ATP8B1: variants seen among roughly 807,000 people sequenced by gnomAD.
The protein encoded by ATP8B1 is ATPase phospholipid transporting 8B1.
A neutral mutation model predicts 149.9 loss-of-function variants in ATP8B1; 80 were observed. The ratio of observed to expected loss-of-function variants is 0.53; its 90% CI spans 0.45 to 0.64. The LOEUF (loss-of-function observed/expected upper bound fraction) is 0.64, where lower values mean the gene tolerates loss of function less well. ATP8B1 is among the 30% of genes least tolerant of loss of function. The pLI is 0.00. For missense variants in ATP8B1, 1,247 were observed against 1,552.6 expected (o/e 0.80, Z 3.31); for synonymous variants, 536 against 562.8 (o/e 0.95, Z 0.67).
At chr18:57,790,685 T>C (rs1026538088) in intron 1 of ATP8B1, among the ~76,000 whole-genome samples, 6 of 152,126 alleles carry the variant, frequency 3.9e-5, no homozygotes, top group African/African-American at 1.4e-4. Flanking sequence ...TATGGTAAAA[T>C]GGACAAAGCA....
chr18:57,665,313 T>C (rs1381490826), intron 20 of ATP8B1, among the ~76,000 whole-genome samples: 1 of 152,120 alleles, frequency 6.6e-6, no homozygotes, highest in East Asian at 1.9e-4. Flanking sequence ...GGAAGATGAT[T>C]CCTCTCTCTA....
intron 1 of ATP8B1, among the ~76,000 whole-genome samples, chr18:57,773,398 GGCA>G (rs2080281190): frequency 6.6e-6 from 1 of 152,040 alleles, no homozygotes; most frequent in Non-Finnish European, 1.5e-5. Flanking sequence ...CAGAGGCAGA[GGCA>G]GCATTTTACA....
intron 1 of ATP8B1, among the ~76,000 whole-genome samples, chr18:57,765,898 G>A (rs562892513): frequency 8.0e-5 from 12 of 150,928 alleles, no homozygotes; most frequent in African/African-American, 2.7e-4. Flanking sequence ...CTCGAACCCC[G>A]GAGGCAGAGG....
At chr18:57,715,218 G>C (rs1357067779) in intron 2 of ATP8B1, among the ~76,000 whole-genome samples, 3 of 152,118 alleles carry the variant, frequency 2.0e-5, no homozygotes, top group Non-Finnish European at 4.4e-5. Flanking sequence ...AAATGCAACC[G>C]ACATACTGAA....
chr18:57,701,647 G>T (rs1487949427), intron 4 of ATP8B1, among the ~76,000 whole-genome samples: 1 of 152,030 alleles, frequency 6.6e-6, no homozygotes, highest in Non-Finnish European at 1.5e-5. Flanking sequence ...TATTTAACTG[G>T]GGGTGAGGGG....
chr18:57,692,277 G>T (rs1351967920), intron 11 of ATP8B1, among the ~76,000 whole-genome samples: 1 of 152,004 alleles, frequency 6.6e-6, no homozygotes, highest in African/African-American at 2.4e-5. Context: ...TCAAATCCTT[G>T]AAGAATCTTA....
chr18:57,759,407 C>T (rs2080124007), intron 1 of ATP8B1, among the ~76,000 whole-genome samples: 1 of 152,202 alleles, frequency 6.6e-6, no homozygotes, highest in African/African-American at 2.4e-5. Flanking sequence ...GGTGATAGCT[C>T]CAATAGCAGC....
intron 23 of ATP8B1, among the ~76,000 whole-genome samples, chr18:57,654,700 T>C (rs1386086839): frequency 6.6e-6 from 1 of 150,492 alleles, no homozygotes; most frequent in Non-Finnish European, 1.5e-5. Context: ...CCCTCCTTTT[T>C]TTTTTTTTTT....
At chr18:57,660,935 T>C (rs563855349) in intron 22 of ATP8B1, among the ~76,000 whole-genome samples, 1 of 152,286 alleles carries the variant, frequency 6.6e-6, no homozygotes, top group Non-Finnish European at 1.5e-5. Context: ...CCATAGACCT[T>C]ATTTTCCTCT....
chr18:57,650,487 T>A lies in ATP8B1; in HGVS notation c.3411A>T (p.Ser1137=). The A allele has an allele frequency of 3.7e-6, 6 of 1,613,578 alleles. No individual in the cohort carries two copies. The highest frequency in any genetic ancestry group is 5.1e-6 in the Non-Finnish European group (6 of 1,179,630). The change falls in exon 27 of 28, where the codon TCA becomes TCT. Residue 1137 remains serine (S), a synonymous_variant. Coordinates refer to ENST00000648908, the MANE Select transcript of ATP8B1 (RefSeq NM_001374385.1). ...AAATGTATGGCTGTCTCAGAGCGTTTGAAGCTGTGCCTGTAAAGAACATGG... is the reference window on the plus strand; with the variant it reads ...AAATGTATGGCTGTCTCAGAGCGTTAGAAGCTGTGCCTGTAAAGAACATGG... ...PSAFQFTGTA[S]NALRQPYIWL...
chr18:57,649,490 C>T (rs1403699873), intron 27 of ATP8B1, among the ~76,000 whole-genome samples: 1 of 152,082 alleles, frequency 6.6e-6, no homozygotes, highest in Non-Finnish European at 1.5e-5. Flanking sequence ...GTTGTTACTG[C>T]ATACTGTTGG....
intron 1 of ATP8B1, among the ~76,000 whole-genome samples, chr18:57,763,379 C>T (rs962615938): frequency 6.1e-5 from 9 of 146,562 alleles, no homozygotes; most frequent in Non-Finnish European, 9.0e-5. Flanking sequence ...GCAAGAAGAG[C>T]GAAACCCCAT....
chr18:57,667,198 A>G lies in ATP8B1; in HGVS notation c.2210-31T>C, dbSNP rs751212683. The G allele has an allele frequency of 3.3e-6, 5 of 1,524,952 alleles. No homozygotes were observed. In the East Asian group the frequency reaches 1.1e-4, roughly 34 times the overall value. The allele number at this position is 1,524,952 out of a possible 1,614,324, so 94.5% of individuals were successfully genotyped here. A position where few individuals can be genotyped will look rare whatever the true frequency, so the allele number is the denominator to read the frequency against. On this transcript the variant is annotated intron_variant, in intron 19 of 27. Transcript: ENST00000648908. ...ATAGAATAAAATTAAGTCAAATGTC[A>G]TTCCTGCTGTTTTTATTTTATTTTA...
At chr18:57,768,390 A>C in intron 1 of ATP8B1, among the ~76,000 whole-genome samples, 1 of 38,548 alleles carries the variant, frequency 2.6e-5, no homozygotes, top group Admixed American at 2.4e-4. Flanking sequence ...CTGTCTCAAA[A>C]AAAAAAAAAA....
chr18:57,762,614 G>A (rs1248103618), intron 1 of ATP8B1, among the ~76,000 whole-genome samples: 1 of 152,196 alleles, frequency 6.6e-6, no homozygotes, highest in Non-Finnish European at 1.5e-5. Flanking sequence ...CACAGTAAAG[G>A]CAGAAGAGGA....
intron 2 of ATP8B1, among the ~76,000 whole-genome samples, chr18:57,714,729 C>T (rs958712560): frequency 2.0e-5 from 3 of 152,140 alleles, no homozygotes; most frequent in Admixed American, 1.3e-4. Context: ...AGAAATGCAG[C>T]GTTATTGAGC....
At chr18:57,764,263 T>TTTCC (rs200582319) in intron 1 of ATP8B1, among the ~76,000 whole-genome samples, 6 of 150,190 alleles carry the variant, frequency 4.0e-5, no homozygotes, top group African/African-American at 1.0e-4. Flanking sequence ...TCCTTCCTTC[T>TTTCC]TTCCTTCCTT....
rs757090822 is a variant in ATP8B1, at chr18:57,662,579, A to T, written c.2322T>A (p.Asn774Lys). 6 of 1,614,050 alleles carry T rather than the reference A, an allele frequency of 3.7e-6. No homozygotes were observed. The highest frequency in any genetic ancestry group is 5.1e-6 in the Non-Finnish European group (6 of 1,180,030). The change falls in exon 21 of 28, where the codon AAT (asparagine) becomes AAA (lysine). Residue 774 changes from asparagine (N) to lysine (K), a missense_variant. Transcript: ENST00000648908. ...LLHARMENQR[N>K]RGGVYAKFAP... is the part of the protein sequence containing the mutation. ...CAAACTTTGCGTAGACGCCACCTCT[A>T]TTCCTCTGGTTTTCCATCCTTGCAT...
chr18:57,770,715 G>T (rs1279011196), intron 1 of ATP8B1, among the ~76,000 whole-genome samples: 1 of 152,242 alleles, frequency 6.6e-6, no homozygotes, highest in Non-Finnish European at 1.5e-5. Flanking sequence ...AGGTATACTG[G>T]GGCTTGCCTA....
Sources: allele counts gnomAD v4.1 joint callset (sites outside exome capture counted in the v4.1 genomes callset), GRCh38; gene constraint gnomAD v4.1.1; transcripts MANE v1.5; gene names NCBI Gene and HGNC (gene_info 2026-07-23, HGNC 2026-07-21).